The following DRGX variants were observed in gnomAD, a reference collection of about 807,000 sequenced individuals.
The protein encoded by DRGX is dorsal root ganglia homeobox, also known as dorsal root ganglia homeobox protein.
DRGX carries 21 observed loss-of-function variants against 28.6 expected under a neutral mutation model. The observed-to-expected ratio is 0.73, with a 90% CI of 0.52 to 1.06. The LOEUF (loss-of-function observed/expected upper bound fraction) is 1.06, where lower values mean the gene tolerates loss of function less well. DRGX is among the 50% of genes least tolerant of loss of function. The pLI, the probability that DRGX is intolerant of heterozygous loss-of-function variation, is 0.00. For synonymous variants in DRGX, 136 were observed against 139.1 expected (o/e 0.98, Z 0.16); for missense variants, 354 against 343.9 (o/e 1.03, Z -0.23).
chr10:49,393,502 C>T (rs1849932528), intron 2 of DRGX, among the ~76,000 whole-genome samples: 1 of 152,184 alleles, frequency 6.6e-6, no homozygotes, highest in Non-Finnish European at 1.5e-5. Flanking sequence ...TTTAATGTAA[C>T]ATCAGCAAAA....
At chr10:49,384,281 A>C (rs1849807787) in intron 6 of DRGX, among the ~76,000 whole-genome samples, 1 of 152,178 alleles carries the variant, frequency 6.6e-6, no homozygotes, top group Non-Finnish European at 1.5e-5. Context: ...CTTTGTGCCC[A>C]CCTGCCTGGC....
chr10:49,386,919 C>A, intron 4 of DRGX, 61 bp from the exon 5 acceptor site: 1 of 1,491,364 alleles, frequency 6.7e-7, no homozygotes, highest in Non-Finnish European at 8.9e-7. Flanking sequence ...AAGCCAGAAC[C>A]CTGGACCCAG....
intron 6 of DRGX, among the ~76,000 whole-genome samples, chr10:49,377,739 T>C (rs1257083012): frequency 6.6e-6 from 1 of 152,210 alleles, no homozygotes; most frequent in East Asian, 1.9e-4. Flanking sequence ...GCCATCTGAC[T>C]GCAACCTCAC....
chr10:49,380,869 T>A (rs892750738), intron 6 of DRGX, among the ~76,000 whole-genome samples: 5 of 152,176 alleles, frequency 3.3e-5, no homozygotes, highest in African/African-American at 1.2e-4. Context: ...CAATAGTTGG[T>A]GTTCAATGAT....
intron 6 of DRGX, among the ~76,000 whole-genome samples, chr10:49,381,466 C>T (rs1849775554): frequency 1.3e-5 from 2 of 152,262 alleles, no homozygotes; most frequent in African/African-American, 4.8e-5. Flanking sequence ...CACGTGCTGC[C>T]CCACAGGCCC....
chr10:49,384,840 G>A (rs942182259), intron 6 of DRGX, among the ~76,000 whole-genome samples: 1 of 152,194 alleles, frequency 6.6e-6, no homozygotes, highest in East Asian at 1.9e-4. Context: ...GGCGTCCAAC[G>A]GGGCCTCAGC....
rs11309652 is a variant in DRGX, at chr10:49,387,662, C to CAA, written c.235-806_235-805dup. 4.5e-3 allele frequency among the ~76,000 whole-genome samples: 531 copies of CAA among 119,288 alleles called. 4 individuals carry two copies. The highest frequency in any genetic ancestry group is 0.016 in the African/African-American group (457 of 28,894). 78.3% of individuals were successfully genotyped at this position (119,288 alleles called of 152,430 possible). On this transcript the variant is annotated intron_variant, in intron 4 of 6. Transcript: ENST00000374139. The stretch of plus-strand genomic sequence containing the variant: ...TGGGTGACACAGTGAGACTCCATCA[C>CAA]AAAAAAAAAAAAAAAGACAGAAAGA...
rs1300024785 is a variant in DRGX, at chr10:49,365,122, T to C, written c.*994A>G. On this transcript the variant is annotated 3_prime_UTR_variant, in exon 7 of 7. Transcript: ENST00000374139. ...TCCATATCTGCACATACGCCGTTCC[T>C]GTCTCCTTTCCTACTTTTTTTTCCC... The C allele has an allele frequency of 1.3e-5, 2 of 152,408 alleles. No homozygotes were observed. Among genetic ancestry groups the C allele is most frequent in the East Asian group, 3.9e-4 (2 of 5,190 alleles). The allele number at this position is 152,408 out of a possible 1,614,324, so 9.4% of individuals were successfully genotyped here. A position where few individuals can be genotyped will look rare whatever the true frequency, so the allele number is the denominator to read the frequency against.
At chr10:49,390,367 A>G (rs1011916888) in intron 3 of DRGX, 133 bp from the exon 4 acceptor site, 2 of 769,094 alleles carry the variant, frequency 2.6e-6, no homozygotes, top group Non-Finnish European at 4.0e-6. Context: ...CAGGGAGAAG[A>G]GAGCTCTTTG....
chr10:49,371,862 C>G (rs777706235), intron 6 of DRGX, among the ~76,000 whole-genome samples: 9 of 151,280 alleles, frequency 5.9e-5, no homozygotes, highest in Non-Finnish European at 1.3e-4. Context: ...AGGACCCTCA[C>G]CAAATGCTTG....
intron 3 of DRGX, among the ~76,000 whole-genome samples, chr10:49,390,579 C>T (rs771081654): frequency 4.6e-5 from 7 of 152,114 alleles, no homozygotes; most frequent in Admixed American, 6.5e-5. Context: ...TCGCTTTCAC[C>T]ATAGGAAGCC....
chr10:49,366,314 G>T lies in DRGX; in HGVS notation c.594C>A (p.Cys198Ter). 2 of 1,613,974 alleles carry T rather than the reference G, an allele frequency of 1.2e-6. No homozygotes were observed. Among genetic ancestry groups the T allele is most frequent in the Non-Finnish European group, 1.7e-6 (2 of 1,179,862 alleles). ...MGLSFLPTYG[C>*]QSNRTASVAT... ...CCACGCTGGCCGTGCGGTTACTCTG[G>T]CAGCCATAGGTGGGAAGGAAGGAGA... The change falls in exon 7 of 7, where the codon TGC (cysteine) becomes TGA (stop). Residue 198 changes from cysteine to a stop codon, truncating the protein, a stop_gained. Coordinates refer to ENST00000374139, the MANE Select transcript of DRGX (RefSeq NM_001276451.2). LOFTEE classifies it high-confidence loss of function.
intron 6 of DRGX, among the ~76,000 whole-genome samples, chr10:49,369,191 A>G (rs1357966190): frequency 6.6e-6 from 1 of 152,218 alleles, no homozygotes; most frequent in Non-Finnish European, 1.5e-5. Context: ...AAAGCTACCC[A>G]TAACTATACT....
intron 6 of DRGX, 73 bp from the exon 7 acceptor site, chr10:49,366,454 ATCTGAGT>A: frequency 1.3e-6 from 2 of 1,518,054 alleles, no homozygotes; most frequent in Admixed American, 4.2e-5. Flanking sequence ...ACAGGAAACG[ATCTGAGT>A]TCTGAAGGAC....
chr10:49,389,584 G>A (rs966815798), intron 4 of DRGX, among the ~76,000 whole-genome samples: 5 of 152,096 alleles, frequency 3.3e-5, no homozygotes, highest in Admixed American at 6.5e-5. Context: ...GACGGTCACC[G>A]CGGGCCATAC....
chr10:49,387,086 A>T (rs551051735), intron 4 of DRGX, among the ~76,000 whole-genome samples: 105 of 152,354 alleles, frequency 6.9e-4, no homozygotes, highest in African/African-American at 2.5e-3. Flanking sequence ...GAATGCCCAT[A>T]GTAAGGGTAA....
At position 49,394,181 on chromosome 10, in the gene DRGX, C is replaced by T. The variant is rs576490674; in HGVS notation, c.34+1226G>A. On this transcript the variant is annotated intron_variant, in intron 2 of 6. Coordinates refer to ENST00000374139, the MANE Select transcript of DRGX (RefSeq NM_001276451.2). ...AAATGCAGGCAAATGTGTGGCCTTC[C>T]CTTCCTAGGAATGCTGACAGAGCTA... Among the ~76,000 whole-genome samples, 9 of 152,240 alleles carry T rather than the reference C, an allele frequency of 5.9e-5. No individual in the cohort carries two copies. The South Asian group carries it at 1.7e-3, about 28-fold the overall frequency.
chr10:49,395,327 C>T (rs1849955323), intron 2 of DRGX, 80 bp downstream of exon 2: 4 of 1,526,208 alleles, frequency 2.6e-6, no homozygotes, highest in Non-Finnish European at 3.5e-6. Context: ...GACCCAGCCA[C>T]CCACCAGCCC....
chr10:49,391,094 G>C, intron 3 of DRGX, 70 bp downstream of exon 3: 3 of 1,484,122 alleles, frequency 2.0e-6, no homozygotes, highest in Non-Finnish European at 2.8e-6. Flanking sequence ...AGACAAAGAA[G>C]AGTTGCTCAA....
Sources: allele counts gnomAD v4.1 joint callset (sites outside exome capture counted in the v4.1 genomes callset), GRCh38; gene constraint gnomAD v4.1.1; transcripts MANE v1.5; gene names NCBI Gene and HGNC (gene_info 2026-07-23, HGNC 2026-07-21).